The following SRD5A1 variants were observed in gnomAD, a reference collection of about 807,000 sequenced individuals.
The protein encoded by SRD5A1 is 3-oxo-5-alpha-steroid 4-dehydrogenase 1.
A neutral mutation model predicts 28.2 loss-of-function variants in SRD5A1; 22 were observed. That is an observed-to-expected ratio of 0.78 (90% CI 0.56 to 1.12). The LOEUF (loss-of-function observed/expected upper bound fraction) is 1.12, where lower values mean the gene tolerates loss of function less well. Ranked by LOEUF, SRD5A1 falls within the 50% of genes most tolerant of loss-of-function variation. The pLI is 0.00. For missense variants in SRD5A1, 300 were observed against 346.7 expected (o/e 0.87, Z 1.07); for synonymous variants, 151 against 135.0 (o/e 1.12, Z -0.82).
At chr5:6,667,216 A>G (rs1237255860) in intron 4 of SRD5A1, among the ~76,000 whole-genome samples, 2 of 152,246 alleles carry the variant, frequency 1.3e-5, no homozygotes, top group African/African-American at 4.8e-5. Flanking sequence ...TGCAGTCTCG[A>G]GGCCTCATGC....
rs142908834 is a variant in SRD5A1, at chr5:6,643,651, T to C, written c.294-8191T>C. 2.0e-3 allele frequency among the ~76,000 whole-genome samples: 310 copies of C among 152,328 alleles called. 2 individuals carry two copies. The highest frequency in any genetic ancestry group is 7.1e-3 in the African/African-American group (297 of 41,572). ...GTGTCCTTAACTCCTCTAGCAAGTG[T>C]TCTCCCCAAAAGGCTAATTGTGAGA... On this transcript the variant is annotated intron_variant, in intron 1 of 4. Coordinates refer to ENST00000274192, the MANE Select transcript of SRD5A1 (RefSeq NM_001047.4).
chr5:6,637,699 C>G (rs186095155), intron 1 of SRD5A1, among the ~76,000 whole-genome samples: 1 of 152,212 alleles, frequency 6.6e-6, no homozygotes. Flanking sequence ...CCGCTTGCCA[C>G]GGGAGTCCTC....
At chr5:6,666,389 T>C (rs528517519) in intron 4 of SRD5A1, among the ~76,000 whole-genome samples, 25 of 152,280 alleles carry the variant, frequency 1.6e-4, no homozygotes, top group Admixed American at 3.3e-4. Flanking sequence ...ACCTCGTGAT[T>C]TGCCCGCCTC....
rs1739256811 is a variant in SRD5A1 at position 6,668,427 on chromosome 5, A to G, written c.*159A>G. On this transcript the variant is annotated 3_prime_UTR_variant, in exon 5 of 5. Transcript: ENST00000274192. ...TTCTAGTAATTTTGCAATCTACCTA[A>G]TAAGTACCTAAATACGCTGAAATGG... 2.0e-6 allele frequency: 1 copy of G among 505,098 alleles called. No homozygotes were observed. The highest frequency in any genetic ancestry group is 2.0e-5 in the African/African-American group (1 of 49,804). 31.3% of individuals were successfully genotyped at this position (505,098 alleles called of 1,614,324 possible). A position where few individuals can be genotyped will look rare whatever the true frequency, so the allele number is the denominator to read the frequency against.
Position 6,668,516 on chromosome 5 carries a change from T to A in SRD5A1, c.*248T>A, listed in dbSNP as rs1739260344. The A allele has an allele frequency of 2.9e-6, 1 of 345,408 alleles. No homozygotes were observed. Among genetic ancestry groups the A allele is most frequent in the Non-Finnish European group, 5.3e-6 (1 of 187,150 alleles). The allele number at this position is 345,408 out of a possible 1,614,324, so 21.4% of individuals were successfully genotyped here. Reference sequence around the variant, plus strand: ...AGCTCTGGGTAATAACTGCTGATATTTTTTCTAATTTCAAATTTACCTCTT... The same window carrying A: ...AGCTCTGGGTAATAACTGCTGATATATTTTCTAATTTCAAATTTACCTCTT... On this transcript the variant is annotated 3_prime_UTR_variant, in exon 5 of 5. Transcript: ENST00000274192.
intron 1 of SRD5A1, among the ~76,000 whole-genome samples, chr5:6,637,987 C>T (rs765275437): frequency 4.6e-4 from 70 of 152,204 alleles, no homozygotes; most frequent in Non-Finnish European, 9.0e-4. Context: ...TGTTAAAACA[C>T]AGCAGGGAAC....
chr5:6,660,592 T>C (rs1361177496), intron 3 of SRD5A1, among the ~76,000 whole-genome samples: 3 of 152,262 alleles, frequency 2.0e-5, no homozygotes, highest in Non-Finnish European at 2.9e-5. Flanking sequence ...GGAACAGCGC[T>C]GTGAATGCTT....
In SRD5A1 at chr5:6,652,197, G is replaced by C. The variant is rs111869924; in HGVS notation, c.460+189G>C. On this transcript the variant is annotated intron_variant, in intron 2 of 4. Coordinates refer to ENST00000274192, the MANE Select transcript of SRD5A1 (RefSeq NM_001047.4). ...CAGCTGGGGGCAGAGAGGTGACGCAGGTGCTGGGCACCTTCCCCCGCACGG... is the reference window on the plus strand; with the variant it reads ...CAGCTGGGGGCAGAGAGGTGACGCACGTGCTGGGCACCTTCCCCCGCACGG... Among the ~76,000 whole-genome samples the C allele has an allele frequency of 2.3e-3, 349 of 152,358 alleles. 5 individuals carry two copies. Among genetic ancestry groups the C allele is most frequent in the African/African-American group, 7.9e-3 (329 of 41,588 alleles).
At chr5:6,659,714 G>T (rs916142259) in intron 3 of SRD5A1, among the ~76,000 whole-genome samples, 3 of 152,162 alleles carry the variant, frequency 2.0e-5, no homozygotes, top group Non-Finnish European at 2.9e-5. Flanking sequence ...GCAGCGTTCC[G>T]TGCCAGGGTC....
chr5:6,657,279 G>T (rs1348158105), intron 3 of SRD5A1, among the ~76,000 whole-genome samples: 1 of 152,238 alleles, frequency 6.6e-6, no homozygotes, highest in Non-Finnish European at 1.5e-5. Flanking sequence ...GCAGAGAAGA[G>T]AAAACATGAC....
intron 3 of SRD5A1, among the ~76,000 whole-genome samples, chr5:6,662,397 G>A (rs1029698332): frequency 2.0e-5 from 3 of 152,224 alleles, no homozygotes; most frequent in African/African-American, 4.8e-5. Flanking sequence ...CCCATAATAC[G>A]GACTCAGTGC....
intron 3 of SRD5A1, among the ~76,000 whole-genome samples, chr5:6,658,561 G>A (rs973218949): frequency 6.6e-6 from 1 of 152,182 alleles, no homozygotes; most frequent in Non-Finnish European, 1.5e-5. Context: ...ACAGGCCAAA[G>A]GAAATGCAGA....
intron 1 of SRD5A1, among the ~76,000 whole-genome samples, chr5:6,645,621 A>C (rs1738487112): frequency 2.0e-5 from 3 of 148,804 alleles, no homozygotes; most frequent in Non-Finnish European, 4.5e-5. Context: ...CCTGGACCAC[A>C]AGAGCGAAAC....
Position 6,640,099 on chromosome 5 carries a change from G to A in SRD5A1, c.293+6230G>A, listed in dbSNP as rs182319551. 1.7e-3 allele frequency among the ~76,000 whole-genome samples: 254 copies of A among 152,232 alleles called. 1 individual carries two copies. Among genetic ancestry groups the A allele is most frequent in the African/African-American group, 5.8e-3 (242 of 41,534 alleles). Reference sequence around the variant, plus strand: ...GGGCCAGACATTCCCATGTCTCAACGGGTCCTCATGGTGTGGTGGCTGGAG... The same window carrying A: ...GGGCCAGACATTCCCATGTCTCAACAGGTCCTCATGGTGTGGTGGCTGGAG... On this transcript the variant is annotated intron_variant, in intron 1 of 4. Transcript: ENST00000274192.
At chr5:6,663,300 A>G (rs1739067094) in intron 4 of SRD5A1, among the ~76,000 whole-genome samples, 1 of 152,232 alleles carries the variant, frequency 6.6e-6, no homozygotes, top group African/African-American at 2.4e-5. Context: ...AGCAATAGCC[A>G]ATGGCCAGCT....
intron 1 of SRD5A1, 105 bp downstream of exon 1, chr5:6,633,974 G>A: frequency 7.9e-7 from 1 of 1,261,938 alleles, no homozygotes; most frequent in Non-Finnish European, 1.1e-6. Flanking sequence ...CCCCCACCCA[G>A]ATGCCCTCTC....
intron 1 of SRD5A1, among the ~76,000 whole-genome samples, chr5:6,634,640 A>G (rs560477356): frequency 6.6e-6 from 1 of 152,350 alleles, no homozygotes; most frequent in East Asian, 1.9e-4. Context: ...TTTCATGTCC[A>G]CCTTATGCAA....
chr5:6,649,028 G>T (rs1209016464), intron 1 of SRD5A1, among the ~76,000 whole-genome samples: 1 of 152,170 alleles, frequency 6.6e-6, no homozygotes, highest in African/African-American at 2.4e-5. Flanking sequence ...TCCAGACCCT[G>T]TTTGCCTGGG....
chr5:6,649,198 G>C (rs1296986602), intron 1 of SRD5A1, among the ~76,000 whole-genome samples: 1 of 152,170 alleles, frequency 6.6e-6, no homozygotes, highest in Non-Finnish European at 1.5e-5. Context: ...GGATACACAG[G>C]GGGTCAGGGA....
Sources: gnomAD v4.1 joint callset for allele counts (sites outside exome capture counted in the v4.1 genomes callset) on GRCh38, gnomAD v4.1.1 for gene constraint, MANE v1.5 for transcripts, NCBI Gene and HGNC (gene_info 2026-07-23, HGNC 2026-07-21) for gene names.